Variants in GBP6 observed in about 807,000 individuals in gnomAD.
GBP6 encodes guanylate binding protein family member 6.
Under a neutral mutation model 61.5 loss-of-function variants are expected in GBP6, and 54 were observed. The ratio of observed to expected loss-of-function variants is 0.88; its 90% CI spans 0.71 to 1.10. The LOEUF (loss-of-function observed/expected upper bound fraction) is 1.10, where lower values mean the gene tolerates loss of function less well. GBP6 is among the 50% of genes least tolerant of loss of function. The pLI, the probability that GBP6 is intolerant of heterozygous loss-of-function variation, is 0.00. For synonymous variants in GBP6, 255 were observed against 273.7 expected (o/e 0.93, Z 0.67); for missense variants, 748 against 752.8 (o/e 0.99, Z 0.07).
intron 3 of GBP6, among the ~76,000 whole-genome samples, chr1:89,371,320 A>G (rs59550034): frequency 4.7e-4 from 72 of 152,330 alleles, no homozygotes; most frequent in African/African-American, 1.7e-3. Context: ...TGAGGCCAGC[A>G]TCATCCTGAT....
chr1:89,375,603 A>AC (rs1553142633), intron 3 of GBP6, among the ~76,000 whole-genome samples: 8 of 151,086 alleles, frequency 5.3e-5, no homozygotes, highest in Non-Finnish European at 1.2e-4. Flanking sequence ...AGGTATAAGG[A>AC]TTTTTTTTTG....
chr1:89,365,409 A>T (rs1359204380), intron 1 of GBP6, among the ~76,000 whole-genome samples: 1 of 152,244 alleles, frequency 6.6e-6, no homozygotes, highest in Non-Finnish European at 1.5e-5. Context: ...TACACATCAC[A>T]TTACAATGCA....
At chr1:89,378,047 T>C (rs2100668013) in intron 3 of GBP6, 56 bp from the exon 4 acceptor site, 2 of 1,448,950 alleles carry the variant, frequency 1.4e-6, no homozygotes. Flanking sequence ...AATAAATGTC[T>C]CAGTGAATTT....
chr1:89,364,599 AATT>A (rs1362587031), intron 1 of GBP6, among the ~76,000 whole-genome samples: 5 of 145,344 alleles, frequency 3.4e-5, no homozygotes, highest in African/African-American at 1.3e-4. Flanking sequence ...ACTTAAAAAT[AATT>A]ATATAGTCCA....
intron 3 of GBP6, among the ~76,000 whole-genome samples, chr1:89,370,802 T>C (rs1458804648): frequency 6.6e-6 from 1 of 152,246 alleles, no homozygotes; most frequent in East Asian, 1.9e-4. Flanking sequence ...AGTTACCGTT[T>C]TCTTTTTTCT....
At position 89,382,754 on chromosome 1, in the gene GBP6, A is replaced by G; in HGVS notation, c.1243A>G (p.Lys415Glu). The change falls in exon 8 of 11, where the codon AAG becomes GAG. Residue 415 changes from lysine to glutamate, a missense_variant. Coordinates refer to ENST00000370456, the MANE Select transcript of GBP6 (RefSeq NM_198460.3). ...CCAGGCTAAACTCAATGAGCTCTCA[A>G]AGGGACTAATGGAAAGTATCTCAGC... The part of the protein sequence containing the change: ...YCQAKLNELS[K>E]GLMESISAGS... 1.2e-6 allele frequency: 2 copies of G among 1,614,000 alleles called. No individual in the cohort carries two copies. Among genetic ancestry groups the G allele is most frequent in the Non-Finnish European group, 1.7e-6 (2 of 1,179,878 alleles).
chr1:89,383,609 T>C, intron 8 of GBP6, 43 bp from the exon 9 acceptor site: 1 of 1,381,478 alleles, frequency 7.2e-7, no homozygotes, highest in Middle Eastern at 2.0e-4. Flanking sequence ...ACCCAGAACA[T>C]AGATTTTCAA....
At chr1:89,376,263 A>G (rs1006494317) in intron 3 of GBP6, among the ~76,000 whole-genome samples, 10 of 152,260 alleles carry the variant, frequency 6.6e-5, no homozygotes, top group African/African-American at 2.4e-4. Context: ...TAAATATAAA[A>G]GAACAGATAT....
Position 89,376,944 on chromosome 1 carries a change from C to T in GBP6, c.319-1159C>T, listed in dbSNP as rs191548261. 9.9e-5 allele frequency among the ~76,000 whole-genome samples: 15 copies of T among 152,156 alleles called. No individual in the cohort carries two copies. In the East Asian group the frequency reaches 2.1e-3, roughly 22 times the overall value. Reference sequence around the variant, plus strand: ...TGTCTAAATAGTTTATTGTTTGTCACGAGTCCCACTTCTAAGAAGAATCCT... The same window carrying T: ...TGTCTAAATAGTTTATTGTTTGTCATGAGTCCCACTTCTAAGAAGAATCCT... On this transcript the variant is annotated intron_variant, in intron 3 of 10. Transcript: ENST00000370456.
rs1211923926 is a variant in GBP6, at chr1:89,369,684, G to T, written c.318+11G>T. ...GGCGATGTGGAAAAGGTAAGACAGA[G>T]AGTCATAGACAGGTTCCTTTTATTC... On this transcript the variant is annotated intron_variant, in intron 3 of 10. Transcript: ENST00000370456. 2 of 1,612,698 alleles carry T rather than the reference G, an allele frequency of 1.2e-6. No homozygotes were observed. The highest frequency in any genetic ancestry group is 4.5e-5 in the East Asian group (2 of 44,888).
intron 3 of GBP6, among the ~76,000 whole-genome samples, chr1:89,373,413 C>T (rs1652701803): frequency 1.3e-5 from 2 of 152,168 alleles, no homozygotes; most frequent in Non-Finnish European, 2.9e-5. Flanking sequence ...TTGGAACCAA[C>T]CCAGATGTCC....
intron 2 of GBP6, among the ~76,000 whole-genome samples, chr1:89,369,325 CTT>C (rs996353472): frequency 3.3e-5 from 5 of 152,178 alleles, no homozygotes; most frequent in African/African-American, 4.8e-5. Context: ...ATAGATTTCT[CTT>C]TGTCTCCATT....
At position 89,378,104 on chromosome 1, in the gene GBP6, G is replaced by A. The variant is rs115243209; in HGVS notation, c.320G>A (p.Gly107Asp). ...DTEGLGDVEK[G>D]DPKNDSWIFA... Reference sequence around the variant, plus strand: ...CCTTTGCTCTAATGTGCTTTTTAGGGTGACCCTAAGAATGACTCCTGGATC... The same window carrying A: ...CCTTTGCTCTAATGTGCTTTTTAGGATGACCCTAAGAATGACTCCTGGATC... The change falls in exon 4 of 11, where the codon GGT becomes GAT. Residue 107 changes from glycine to aspartate, a missense_variant and splice_region_variant. By Grantham distance (94) the Gly-to-Asp change is moderately conservative. Transcript: ENST00000370456. 2 of 1,610,938 alleles carry A rather than the reference G, an allele frequency of 1.2e-6. No individual in the cohort carries two copies. The highest frequency in any genetic ancestry group is 1.1e-5 in the South Asian group (1 of 90,506).
At chr1:89,383,091 T>G (rs1336653182) in intron 8 of GBP6, among the ~76,000 whole-genome samples, 2 of 152,126 alleles carry the variant, frequency 1.3e-5, no homozygotes, top group African/African-American at 4.8e-5. Flanking sequence ...AATTACCACC[T>G]AGGTGGTGGT....
intron 3 of GBP6, among the ~76,000 whole-genome samples, chr1:89,371,812 A>G (rs1652651911): frequency 6.6e-6 from 1 of 152,220 alleles, no homozygotes; most frequent in Admixed American, 6.5e-5. Flanking sequence ...AGTTCTGGCC[A>G]GGGCAATAAG....
At chr1:89,366,405 A>C (rs1314804387) in intron 1 of GBP6, among the ~76,000 whole-genome samples, 1 of 152,132 alleles carries the variant, frequency 6.6e-6, no homozygotes, top group African/African-American at 2.4e-5. Context: ...TATTCTCTAG[A>C]GTTTTCTCAT....
rs1293984371 is a variant in GBP6, at chr1:89,381,696, C to T, written c.874C>T (p.Leu292=). 4.4e-6 allele frequency: 7 copies of T among 1,600,060 alleles called. No homozygotes were observed. The African/African-American group carries it at 9.4e-5, about 21-fold the overall frequency. Residue 292 remains leucine, a splice_region_variant and synonymous_variant, in exon 7 of 11, where the codon CTG becomes TTG. Coordinates refer to ENST00000370456, the MANE Select transcript of GBP6 (RefSeq NM_198460.3). ...CCTAAATCTCCTGGTTCATTTAGGT[C>T]TGGGAACTCTGGCAGTGACTTATGT... ...REGITVTGNR[L]GTLAVTYVEA... is the part of the protein sequence containing the mutation.
chr1:89,380,710 T>C (rs1002174758), intron 6 of GBP6, 79 bp downstream of exon 6: 3 of 1,382,162 alleles, frequency 2.2e-6, no homozygotes, highest in Non-Finnish European at 3.0e-6. Context: ...GAATTTTTGT[T>C]AGATTCCATA....
chr1:89,372,260 A>G (rs1350591920), intron 3 of GBP6, among the ~76,000 whole-genome samples: 2 of 152,260 alleles, frequency 1.3e-5, no homozygotes, highest in Admixed American at 6.5e-5. Context: ...TATAGATTCA[A>G]TGCCATCCCC....
Sources: gnomAD v4.1 joint callset for allele counts (sites outside exome capture counted in the v4.1 genomes callset) on GRCh38, gnomAD v4.1.1 for gene constraint, MANE v1.5 for transcripts, NCBI Gene and HGNC (gene_info 2026-07-23, HGNC 2026-07-21) for gene names.